OPCML: variants seen among roughly 807,000 people sequenced by gnomAD.
OPCML encodes the protein opioid binding protein/cell adhesion molecule like, also known as opioid-binding protein/cell adhesion molecule.
A neutral mutation model predicts 37.8 loss-of-function variants in OPCML; 13 were observed. The observed-to-expected ratio is 0.34, with a 90% CI of 0.22 to 0.55. The LOEUF (loss-of-function observed/expected upper bound fraction) is 0.55, where lower values mean the gene tolerates loss of function less well. Among genes scored for constraint, OPCML ranks in the 20% least tolerant of loss-of-function variants. The pLI, the probability that OPCML is intolerant of heterozygous loss-of-function variation, is 0.91. For synonymous variants in OPCML, 176 were observed against 168.8 expected, an observed-to-expected ratio of 1.04 and a Z score of -0.33; for missense variants, 341 against 435.6, an observed-to-expected ratio of 0.78 and a Z score of 1.93.
intron 2 of OPCML, among the ~76,000 whole-genome samples, chr11:132,937,285 C>A (rs779951036): frequency 3.9e-5 from 6 of 152,054 alleles, no homozygotes; most frequent in African/African-American, 1.2e-4. Context: ...TTTTAGAAAC[C>A]AGAAGGAAAG....
chr11:132,878,929 T>G lies in OPCML; in HGVS notation c.146+63997A>C, dbSNP rs190201190. 1.0e-3 allele frequency among the ~76,000 whole-genome samples: 158 copies of G among 152,310 alleles called. 1 individual carries two copies. Among genetic ancestry groups the G allele is most frequent in the African/African-American group, 3.7e-3 (153 of 41,572 alleles). On this transcript the variant is annotated intron_variant, in intron 2 of 7. Transcript: ENST00000524381. ...TGAGTACTTCGTATTTCATTTTGCATACTCTGGTTAAAAAGCGAACTAATC... is the reference window on the plus strand; with the variant it reads ...TGAGTACTTCGTATTTCATTTTGCAGACTCTGGTTAAAAAGCGAACTAATC...
chr11:132,661,388 A>G (rs1455419547), intron 2 of OPCML, among the ~76,000 whole-genome samples: 2 of 152,144 alleles, frequency 1.3e-5, no homozygotes, highest in African/African-American at 4.8e-5. Flanking sequence ...TCTGCTTCAA[A>G]AGAAAATGTA....
chr11:132,492,772 G>T (rs1265707925), intron 4 of OPCML, among the ~76,000 whole-genome samples: 1 of 73,624 alleles, frequency 1.4e-5, no homozygotes, highest in Non-Finnish European at 3.4e-5. Flanking sequence ...TACCATGAGG[G>T]CAGGGGACTT....
At chr11:132,479,953 G>C (rs564400033) in intron 4 of OPCML, among the ~76,000 whole-genome samples, 1 of 152,294 alleles carries the variant, frequency 6.6e-6, no homozygotes, top group South Asian at 2.1e-4. Context: ...ACTCTAAAAA[G>C]CAGAGCGCCT....
intron 1 of OPCML, among the ~76,000 whole-genome samples, chr11:133,469,289 T>A (rs1346471948): frequency 6.6e-6 from 1 of 152,228 alleles, no homozygotes; most frequent in Non-Finnish European, 1.5e-5. Context: ...ACCTTTTCTA[T>A]GTGTGGAGAC....
intron 3 of OPCML, among the ~76,000 whole-genome samples, chr11:132,634,651 G>A (rs555946461): frequency 6.6e-6 from 1 of 152,234 alleles, no homozygotes; most frequent in East Asian, 1.9e-4. Context: ...GAGGAAGCAG[G>A]AAGAGACTTT....
intron 1 of OPCML, among the ~76,000 whole-genome samples, chr11:133,198,592 G>A (rs1436433170): frequency 1.3e-5 from 2 of 152,358 alleles, no homozygotes; most frequent in African/African-American, 4.8e-5. Flanking sequence ...AGGGCAGCAT[G>A]GGAACACGTG....
chr11:133,272,012 C>T (rs981358391), intron 1 of OPCML, among the ~76,000 whole-genome samples: 1 of 152,198 alleles, frequency 6.6e-6, no homozygotes, highest in African/African-American at 2.4e-5. Flanking sequence ...CCCTTTCTGT[C>T]CACACCACTG....
intron 2 of OPCML, among the ~76,000 whole-genome samples, chr11:132,814,179 T>C (rs915325917): frequency 6.6e-6 from 1 of 152,236 alleles, no homozygotes; most frequent in Non-Finnish European, 1.5e-5. Flanking sequence ...GCAAGTGATA[T>C]GTACGAGGAA....
Position 133,439,689 on chromosome 11 carries a change from G to A in OPCML, c.61+92575C>T, listed in dbSNP as rs201474082. ...TCACCGTTTTAGCCAGGATGGTCTC[G>A]ATCTCCTGACTTCGTGATCCACCCG... On this transcript the variant is annotated intron_variant, in intron 1 of 7. Transcript: ENST00000524381. Among the ~76,000 whole-genome samples the A allele has an allele frequency of 6.1e-4, 92 of 151,918 alleles. 1 individual carries two copies. The East Asian group carries it at 8.2e-3, about 14-fold the overall frequency.
chr11:133,405,181 G>A (rs1410563534), intron 1 of OPCML, among the ~76,000 whole-genome samples: 3 of 152,152 alleles, frequency 2.0e-5, no homozygotes, highest in Admixed American at 6.5e-5. Flanking sequence ...TGGCTCCCCT[G>A]GCTGGTCACC....
chr11:133,032,692 T>C (rs1474475913), intron 1 of OPCML, among the ~76,000 whole-genome samples: 1 of 152,184 alleles, frequency 6.6e-6, no homozygotes, highest in Non-Finnish European at 1.5e-5. Flanking sequence ...TGTAAGATAC[T>C]AATGAAAGAA....
At chr11:132,756,985 C>T (rs955282030) in intron 2 of OPCML, among the ~76,000 whole-genome samples, 4 of 152,044 alleles carry the variant, frequency 2.6e-5, no homozygotes, top group Admixed American at 1.3e-4. Flanking sequence ...CATATGTTCT[C>T]ATTGTTCATA....
chr11:133,074,205 A>G (rs1165928498), intron 1 of OPCML, among the ~76,000 whole-genome samples: 5 of 152,222 alleles, frequency 3.3e-5, no homozygotes, highest in East Asian at 1.9e-4. Context: ...TCAAATGATA[A>G]TCTTTTATTT....
intron 1 of OPCML, among the ~76,000 whole-genome samples, chr11:133,441,242 G>C (rs1946360043): frequency 6.6e-6 from 1 of 151,414 alleles, no homozygotes; most frequent in South Asian, 2.1e-4. Flanking sequence ...GCCCAAGAAT[G>C]ACATGAAAAT....
At chr11:133,115,622 A>G (rs978574312) in intron 1 of OPCML, among the ~76,000 whole-genome samples, 1 of 152,006 alleles carries the variant, frequency 6.6e-6, no homozygotes, top group Non-Finnish European at 1.5e-5. Flanking sequence ...ACTAAAAATC[A>G]GTGATGAAAA....
intron 1 of OPCML, among the ~76,000 whole-genome samples, chr11:132,979,299 G>A (rs1225002923): frequency 6.6e-6 from 1 of 152,128 alleles, no homozygotes; most frequent in Admixed American, 6.5e-5. Flanking sequence ...GCCCTCCCCT[G>A]GCCCCCTTTC....
At chr11:133,335,477 G>C (rs865863513) in intron 1 of OPCML, among the ~76,000 whole-genome samples, 5 of 152,226 alleles carry the variant, frequency 3.3e-5, no homozygotes, top group Admixed American at 6.5e-5. Context: ...TGAAGTCAGC[G>C]CCTCTCCTGG....
chr11:132,723,668 A>G (rs1424553794), intron 2 of OPCML, among the ~76,000 whole-genome samples: 1 of 151,964 alleles, frequency 6.6e-6, no homozygotes, highest in African/African-American at 2.4e-5. Context: ...TCTCTTTCTC[A>G]TTGCCCACTT....
Sources: allele counts gnomAD v4.1 joint callset (sites outside exome capture counted in the v4.1 genomes callset), GRCh38; gene constraint gnomAD v4.1.1; transcripts MANE v1.5; gene names NCBI Gene and HGNC (gene_info 2026-07-23, HGNC 2026-07-21).